The following SPAST variants were observed in gnomAD, a reference collection of about 807,000 sequenced individuals.
SPAST encodes the protein spastic paraplegia 4 (autosomal dominant; spastin).
SPAST carries 30 observed loss-of-function variants against 76.6 expected under a neutral mutation model. The observed-to-expected ratio is 0.39, with a 90% confidence interval of 0.29 to 0.53. SPAST has a LOEUF of 0.53. Among genes scored for constraint, SPAST ranks in the 20% least tolerant of loss-of-function variants. SPAST has a pLI of 0.68. For synonymous variants in SPAST, 305 were observed against 281.0 expected (o/e 1.09, Z -0.86); for missense variants, 717 against 770.5 (o/e 0.93, Z 0.82).
chr2:32,072,007 A>T (rs138991318), intron 1 of SPAST, among the ~76,000 whole-genome samples: 2 of 152,184 alleles, frequency 1.3e-5, no homozygotes, highest in African/African-American at 4.8e-5. Flanking sequence ...ATGTCAAAGA[A>T]ATATAATTTA....
intron 14 of SPAST, 21 bp from the exon 15 acceptor site, chr2:32,144,916 T>C: frequency 6.3e-7 from 1 of 1,596,080 alleles, no homozygotes; most frequent in Non-Finnish European, 8.6e-7. Context: ...TAATTTGCTG[T>C]TTCTTCCTTC....
intron 16 of SPAST, among the ~76,000 whole-genome samples, chr2:32,147,605 C>T (rs991579252): frequency 3.3e-5 from 5 of 149,648 alleles, no homozygotes; most frequent in African/African-American, 1.2e-4. Context: ...GCTTGAGCCG[C>T]TGCATCTGGC....
chr2:32,108,058 C>T lies in SPAST; in HGVS notation c.683-6580C>T, dbSNP rs77712894. On this transcript the variant is annotated intron_variant, in intron 4 of 16. Transcript: ENST00000315285. Reference sequence around the variant, plus strand: ...ATAACCCTTACTCAAGAAAAAAAAGCAATCAGTAGAAACTGTGAGTGGGCC... The same window carrying T: ...ATAACCCTTACTCAAGAAAAAAAAGTAATCAGTAGAAACTGTGAGTGGGCC... Among the ~76,000 whole-genome samples the T allele has an allele frequency of 7.3e-3, 1,108 of 152,150 alleles. 6 individuals carry two copies. Among genetic ancestry groups the T allele is most frequent in the Non-Finnish European group, 0.012 (811 of 68,014 alleles).
rs1680249367 is a variant in SPAST, at chr2:32,156,268, C to A, written c.*1772C>A. On this transcript the variant is annotated 3_prime_UTR_variant, in exon 17 of 17. Coordinates refer to ENST00000315285, the MANE Select transcript of SPAST (RefSeq NM_014946.4). ...GTCAGGCTGGTCTTGAACTCCTGAC[C>A]TCAGGTGATCCGCCTGCCTCGGCCT... The A allele has an allele frequency of 6.6e-6, 1 of 152,124 alleles. No homozygotes were observed. The allele number at this position is 152,124 out of a possible 1,614,324, so 9.4% of individuals were successfully genotyped here.
chr2:32,073,103 T>C (rs1676817719), intron 1 of SPAST, among the ~76,000 whole-genome samples: 1 of 152,254 alleles, frequency 6.6e-6, no homozygotes, highest in South Asian at 2.1e-4. Flanking sequence ...TTTTTCCTCA[T>C]GTTGAATACA....
chr2:32,091,628 T>A (rs969195398), intron 3 of SPAST, among the ~76,000 whole-genome samples: 1 of 150,174 alleles, frequency 6.7e-6, no homozygotes, highest in Non-Finnish European at 1.5e-5. Context: ...GTCAGGAGAT[T>A]GAGACCATCC....
chr2:32,083,768 A>ATTT (rs1553398805), intron 1 of SPAST, among the ~76,000 whole-genome samples: 1 of 51,606 alleles, frequency 1.9e-5, no homozygotes, highest in Non-Finnish European at 3.8e-5. Context: ...ATATATATAT[A>ATTT]TATATATATT....
chr2:32,066,628 A>G (rs1296770089), intron 1 of SPAST, among the ~76,000 whole-genome samples: 1 of 151,746 alleles, frequency 6.6e-6, no homozygotes, highest in Non-Finnish European at 1.5e-5. Context: ...AGATCGTGCC[A>G]CTACACTCCA....
At chr2:32,151,809 C>T (rs1027637213) in intron 16 of SPAST, among the ~76,000 whole-genome samples, 6 of 151,552 alleles carry the variant, frequency 4.0e-5, no homozygotes, top group Admixed American at 4.0e-4. Flanking sequence ...GCTCGGGAGG[C>T]TGAGGAAGGA....
intron 7 of SPAST, among the ~76,000 whole-genome samples, chr2:32,117,803 A>C (rs566113364): frequency 5.8e-4 from 88 of 152,272 alleles, no homozygotes; most frequent in African/African-American, 2.0e-3. Flanking sequence ...AAGTGCTGGG[A>C]TTACAGGCAG....
chr2:32,080,592 T>C (rs993233778), intron 1 of SPAST, among the ~76,000 whole-genome samples: 10 of 125,892 alleles, frequency 7.9e-5, no homozygotes, highest in Non-Finnish European at 1.4e-4. Flanking sequence ...CTAGGGACTG[T>C]TGGGAGCTAA....
At chr2:32,118,204 G>C (rs769838984) in intron 7 of SPAST, among the ~76,000 whole-genome samples, 1 of 152,124 alleles carries the variant, frequency 6.6e-6, no homozygotes, top group East Asian at 1.9e-4. Context: ...AATGTGCAAA[G>C]GTTTTATGGC....
At chr2:32,140,314 C>T (rs1204188588) in intron 12 of SPAST, among the ~76,000 whole-genome samples, 1 of 152,084 alleles carries the variant, frequency 6.6e-6, no homozygotes, top group African/African-American at 2.4e-5. Flanking sequence ...TGTTTTATTT[C>T]TTTGAGCATC....
At chr2:32,064,470 A>G (rs757103516) in intron 1 of SPAST, among the ~76,000 whole-genome samples, 15 of 152,276 alleles carry the variant, frequency 9.9e-5, no homozygotes, top group African/African-American at 3.6e-4. Flanking sequence ...TGTTTCAGAC[A>G]CCAGCCTTCC....
At chr2:32,073,415 A>G (rs1312641851) in intron 1 of SPAST, among the ~76,000 whole-genome samples, 2 of 152,194 alleles carry the variant, frequency 1.3e-5, no homozygotes, top group African/African-American at 2.4e-5. Context: ...TCCACCCAGT[A>G]GTAGTTGGGT....
At chr2:32,118,527 G>C (rs1678917347) in intron 7 of SPAST, among the ~76,000 whole-genome samples, 1 of 152,090 alleles carries the variant, frequency 6.6e-6, no homozygotes, top group African/African-American at 2.4e-5. Context: ...TTTTGCTGGA[G>C]TTATATAAGA....
intron 4 of SPAST, among the ~76,000 whole-genome samples, chr2:32,113,625 G>T (rs1207627126): frequency 7.2e-6 from 1 of 139,614 alleles, no homozygotes; most frequent in Non-Finnish European, 1.5e-5. Context: ...GAGTGCAGTA[G>T]TGCAATCTCG....
intron 16 of SPAST, among the ~76,000 whole-genome samples, chr2:32,153,417 A>G (rs1421937734): frequency 2.1e-5 from 3 of 143,400 alleles, no homozygotes; most frequent in African/African-American, 7.9e-5. Context: ...TCCACCTCCC[A>G]GGTTCAAGCG....
intron 4 of SPAST, among the ~76,000 whole-genome samples, chr2:32,104,497 A>T (rs1006586833): frequency 1.3e-5 from 2 of 152,076 alleles, no homozygotes; most frequent in Non-Finnish European, 2.9e-5. Flanking sequence ...TGTCATTATG[A>T]TGTTAGCTGG....
Sources: allele counts gnomAD v4.1 joint callset (sites outside exome capture counted in the v4.1 genomes callset), GRCh38; gene constraint gnomAD v4.1.1; transcripts MANE v1.5; gene names NCBI Gene and HGNC (gene_info 2026-07-23, HGNC 2026-07-21).